Variants in PEX1 observed in about 807,000 individuals in gnomAD.
PEX1 encodes peroxisomal ATPase PEX1.
PEX1 carries 97 observed loss-of-function variants against 152.5 expected under a neutral mutation model. The ratio of observed to expected loss-of-function variants is 0.64; its 90% CI spans 0.54 to 0.75. The LOEUF is 0.75. PEX1 is among the 30% of genes least tolerant of loss of function. PEX1 has a pLI of 0.00. For synonymous variants in PEX1, 485 were observed against 531.6 expected (o/e 0.91, Z 1.21); for missense variants, 1,357 against 1,516.3 (o/e 0.89, Z 1.74).
At chr7:92,508,107 ACT>A (rs1792287506) in intron 9 of PEX1, among the ~76,000 whole-genome samples, 1 of 152,212 alleles carries the variant, frequency 6.6e-6, no homozygotes, top group South Asian at 2.1e-4. Flanking sequence ...CTTTTGAAGT[ACT>A]GAGGATAACT....
chr7:92,499,300 A>G (rs1172953802), intron 16 of PEX1, among the ~76,000 whole-genome samples: 1 of 152,262 alleles, frequency 6.6e-6, no homozygotes, highest in Non-Finnish European at 1.5e-5. Flanking sequence ...GTCAAAAGGT[A>G]GAAACAATTC....
intron 11 of PEX1, among the ~76,000 whole-genome samples, chr7:92,505,893 C>A (rs1792165563): frequency 6.6e-6 from 1 of 152,176 alleles, no homozygotes; most frequent in South Asian, 2.1e-4. Flanking sequence ...CTCCTACTTT[C>A]TCTCCCCTGA....
chr7:92,501,852 A>G, intron 14 of PEX1, 38 bp downstream of exon 14: 1 of 1,546,208 alleles, frequency 6.5e-7, no homozygotes, highest in Non-Finnish European at 8.9e-7. Context: ...CACAATAGAA[A>G]GAAGATTCCA....
At chr7:92,526,391 T>C (rs1793269623) in intron 1 of PEX1, among the ~76,000 whole-genome samples, 1 of 152,204 alleles carries the variant, frequency 6.6e-6, no homozygotes, top group Admixed American at 6.5e-5. Context: ...CATTACTGCA[T>C]GATCTGTATT....
chr7:92,495,892 AC>A (rs1170232103), intron 17 of PEX1, among the ~76,000 whole-genome samples: 1 of 152,024 alleles, frequency 6.6e-6, no homozygotes, highest in Non-Finnish European at 1.5e-5. Flanking sequence ...TTAACTTCTA[AC>A]CTTTTTTCTT....
chr7:92,488,665 T>C (rs1346423913), intron 23 of PEX1, among the ~76,000 whole-genome samples: 2 of 152,152 alleles, frequency 1.3e-5, no homozygotes, highest in South Asian at 2.1e-4. Flanking sequence ...CAAAATTTTA[T>C]AAACTATACA....
Position 92,503,034 on chromosome 7 carries a change from G to C in PEX1, c.2226+7C>G. 3 of 1,608,052 alleles carry C rather than the reference G, an allele frequency of 1.9e-6. No homozygotes were observed. Among genetic ancestry groups the C allele is most frequent in the Non-Finnish European group, 2.6e-6 (3 of 1,174,564 alleles). ...TAATTCAATAATCCTTACAAGTAGT[G>C]TATTACCTGATTAGGAGGCTGAATG... On this transcript the variant is annotated splice_region_variant and intron_variant, in intron 13 of 23. Transcript: ENST00000248633.
At chr7:92,504,403 A>G (rs775340854) in intron 12 of PEX1, among the ~76,000 whole-genome samples, 3 of 152,138 alleles carry the variant, frequency 2.0e-5, no homozygotes, top group Non-Finnish European at 4.4e-5. Context: ...TTTTTCTCCT[A>G]GAATTTGAGA....
chr7:92,518,376 G>A (rs914640421), intron 3 of PEX1, 121 bp from the exon 4 acceptor site: 62 of 700,472 alleles, frequency 8.9e-5, no homozygotes, highest in Middle Eastern at 3.9e-4. Flanking sequence ...TAATATACAC[G>A]ACATGGTGTT....
At chr7:92,504,170 C>T (rs1235751460) in intron 12 of PEX1, among the ~76,000 whole-genome samples, 1 of 152,064 alleles carries the variant, frequency 6.6e-6, no homozygotes, top group African/African-American at 2.4e-5. Context: ...TATGCTCCTA[C>T]ACTACTCTGT....
At chr7:92,507,223 T>C in intron 9 of PEX1, 97 bp from the exon 10 acceptor site, 1 of 951,240 alleles carries the variant, frequency 1.1e-6, no homozygotes, top group Non-Finnish European at 1.6e-6. Context: ...GTGTAGTTAA[T>C]TAATTTAATT....
intron 16 of PEX1, 89 bp from the exon 17 acceptor site, chr7:92,496,866 T>C (rs1164670768): frequency 8.6e-6 from 7 of 815,218 alleles, no homozygotes; most frequent in Non-Finnish European, 1.5e-5. Context: ...ATCATGGAAA[T>C]CTTTAATATG....
chr7:92,496,644 C>G (rs149957522), intron 17 of PEX1, 69 bp downstream of exon 17: 2 of 1,044,008 alleles, frequency 1.9e-6, no homozygotes, highest in Non-Finnish European at 3.0e-6. Flanking sequence ...AAAAACAAGA[C>G]CAAAAAAAGC....
chr7:92,511,663 T>G lies in PEX1; in HGVS notation c.1400A>C (p.Tyr467Ser). Residue 467 changes from tyrosine (Y) to serine (S), a missense_variant, in exon 7 of 24, where the codon TAT becomes TCT. Physicochemically the swap from Tyr to Ser is moderately radical, Grantham distance 144 (BLOSUM62 -2). Transcript: ENST00000248633. ...GGTAGTAGACTGCTGTAGCCATGAATAAAATACAGTTTTTATGTCTTCTTC... is the reference window on the plus strand; with the variant it reads ...GGTAGTAGACTGCTGTAGCCATGAAGAAAATACAGTTTTTATGTCTTCTTC... ...ISEEDIKTVF[Y>S]SWLQQSTTTM... 6.2e-7 allele frequency: 1 copy of G among 1,612,336 alleles called. No homozygotes were observed. Among genetic ancestry groups the G allele is most frequent in the Non-Finnish European group, 8.5e-7 (1 of 1,178,762 alleles).
At chr7:92,517,149 GT>G (rs758645376) in intron 5 of PEX1, 126 bp downstream of exon 5, 1 of 759,326 alleles carries the variant, frequency 1.3e-6, no homozygotes, top group Non-Finnish European at 2.2e-6. Flanking sequence ...TGTCCCCCAA[GT>G]GCCTTTAGGC....
intron 2 of PEX1, among the ~76,000 whole-genome samples, chr7:92,521,385 T>A (rs901221122): frequency 2.0e-5 from 3 of 152,194 alleles, no homozygotes; most frequent in African/African-American, 7.2e-5. Context: ...ATTAAACTCA[T>A]AAGGGAAAAC....
intron 12 of PEX1, 88 bp from the exon 13 acceptor site, chr7:92,503,283 A>C: frequency 8.5e-7 from 1 of 1,170,804 alleles, no homozygotes; most frequent in Non-Finnish European, 1.2e-6. Flanking sequence ...ATGATACTCT[A>C]AGGTTGACCT....
chr7:92,506,111 A>AAATTTCTAAGAAG, intron 11 of PEX1, 137 bp downstream of exon 11: 1 of 78,666 alleles, frequency 1.3e-5, no homozygotes, highest in African/African-American at 2.3e-4. Flanking sequence ...AGCCAAAGAA[A>AAATTTCTAAGAAG]TTTTAATGAC....
intron 13 of PEX1, 78 bp from the exon 14 acceptor site, chr7:92,502,157 A>C (rs987379699): frequency 9.5e-7 from 1 of 1,053,850 alleles, no homozygotes; most frequent in African/African-American, 1.6e-5. Flanking sequence ...GGAGAAAATC[A>C]GGTTGACAAA....
Sources: gnomAD v4.1 joint callset for allele counts (sites outside exome capture counted in the v4.1 genomes callset) on GRCh38, gnomAD v4.1.1 for gene constraint, MANE v1.5 for transcripts, NCBI Gene and HGNC (gene_info 2026-07-23, HGNC 2026-07-21) for gene names.